Variants in IGF1 observed in about 807,000 individuals in gnomAD.
IGF1 encodes the protein insulin like growth factor 1.
IGF1 carries 4 observed loss-of-function variants against 13.8 expected under a neutral mutation model. The observed-to-expected ratio is 0.29, with a 90% CI of 0.14 to 0.66. IGF1 has a LOEUF of 0.66. Ranked by LOEUF, IGF1 falls within the 30% of genes least tolerant of loss-of-function variation. The pLI is 0.78. For missense variants in IGF1, 124 were observed against 188.5 expected, an observed-to-expected ratio of 0.66 and a Z score of 2.00; for synonymous variants, 76 against 72.6, an observed-to-expected ratio of 1.05 and a Z score of -0.23.
chr12:102,400,706 A>C lies in IGF1; in HGVS notation c.*1801T>G, dbSNP rs138629633. On this transcript the variant is annotated 3_prime_UTR_variant, in exon 4 of 4. Coordinates refer to ENST00000337514, the MANE Select transcript of IGF1 (RefSeq NM_000618.5). ...AAGAAGGAATCATTGTGTTTTTCAA[A>C]ATGAATAGAATATTATTTATAGTAT... 1.3e-5 allele frequency: 2 copies of C among 152,328 alleles called. No individual in the cohort carries two copies. Among genetic ancestry groups the C allele is most frequent in the East Asian group, 3.9e-4 (2 of 5,192 alleles). 9.4% of individuals were successfully genotyped at this position (152,328 alleles called of 1,614,324 possible).
In IGF1 at chr12:102,406,227, A is replaced by G. The variant is rs114219973; in HGVS notation, c.403-3661T>C. ...GACAAAACAAAAGCACTCAGGGACT[A>G]GGTCTCAGTTGCATCTGTTGCTTTG... On this transcript the variant is annotated intron_variant, in intron 3 of 3. Coordinates refer to ENST00000337514, the MANE Select transcript of IGF1 (RefSeq NM_000618.5). 1.4e-3 allele frequency among the ~76,000 whole-genome samples: 208 copies of G among 152,372 alleles called. 1 individual carries two copies. Among genetic ancestry groups the G allele is most frequent in the African/African-American group, 4.8e-3 (199 of 41,594 alleles).
At chr12:102,430,347 C>A (rs187899241) in intron 2 of IGF1, among the ~76,000 whole-genome samples, 1 of 152,300 alleles carries the variant, frequency 6.6e-6, no homozygotes, top group East Asian at 1.9e-4. Flanking sequence ...AATCCACTGA[C>A]CTCCTGCTGG....
chr12:102,473,988 C>T (rs1880851857), intron 2 of IGF1, among the ~76,000 whole-genome samples: 6 of 152,110 alleles, frequency 3.9e-5, no homozygotes, highest in Admixed American at 3.9e-4. Context: ...GAGGACACTT[C>T]TAGGCTTGGC....
chr12:102,444,224 T>C (rs941327628), intron 2 of IGF1, among the ~76,000 whole-genome samples: 1 of 151,244 alleles, frequency 6.6e-6, no homozygotes, highest in East Asian at 1.9e-4. Flanking sequence ...CTCTTGACAA[T>C]ATGGAAAAAA....
chr12:102,406,689 T>G (rs539837424), intron 3 of IGF1, among the ~76,000 whole-genome samples: 2 of 152,262 alleles, frequency 1.3e-5, no homozygotes, highest in South Asian at 4.1e-4. Context: ...ACACGCATAT[T>G]TAGGGTGCTA....
intron 2 of IGF1, among the ~76,000 whole-genome samples, chr12:102,428,830 T>A (rs942829953): frequency 6.6e-6 from 1 of 152,216 alleles, no homozygotes; most frequent in Non-Finnish European, 1.5e-5. Context: ...GCTACATGAG[T>A]TCTCTGTGTG....
At chr12:102,467,544 T>C (rs1047152833) in intron 2 of IGF1, among the ~76,000 whole-genome samples, 2 of 152,192 alleles carry the variant, frequency 1.3e-5, no homozygotes, top group Non-Finnish European at 2.9e-5. Flanking sequence ...TGACCTTAAG[T>C]GGACGGAATG....
chr12:102,456,404 G>T (rs558129434), intron 2 of IGF1, among the ~76,000 whole-genome samples: 7 of 152,228 alleles, frequency 4.6e-5, no homozygotes, highest in African/African-American at 1.7e-4. Context: ...GGAGGAAAAG[G>T]TATCAAATCT....
chr12:102,417,678 C>G, intron 3 of IGF1: 4 of 1,475,774 alleles, frequency 2.7e-6, no homozygotes, highest in Non-Finnish European at 3.6e-6. Context: ...TAAAAGGTTA[C>G]TTCTATTTCC....
At chr12:102,414,799 A>G (rs904291221) in intron 3 of IGF1, among the ~76,000 whole-genome samples, 2 of 152,196 alleles carry the variant, frequency 1.3e-5, no homozygotes, top group African/African-American at 4.8e-5. Flanking sequence ...CACATTGTAG[A>G]TGCCCAATAA....
rs72554694 is a variant in IGF1 at position 102,433,357 on chromosome 12, C to T, written c.221-13667G>A. Among the ~76,000 whole-genome samples the T allele has an allele frequency of 4.6e-3, 707 of 152,270 alleles. 4 individuals carry two copies. Among genetic ancestry groups the T allele is most frequent in the African/African-American group, 0.016 (674 of 41,558 alleles). On this transcript the variant is annotated intron_variant, in intron 2 of 3. Transcript: ENST00000337514. ...CACTATCTCCTTATAATCAGGGTAA[C>T]TGTAACAAACTTAAAGGAAACTGCA... is the stretch of plus-strand genomic sequence containing the variant.
At chr12:102,411,809 A>G (rs529490893) in intron 3 of IGF1, among the ~76,000 whole-genome samples, 22 of 152,172 alleles carry the variant, frequency 1.4e-4, no homozygotes, top group South Asian at 8.3e-4. Context: ...ATCTGACCCA[A>G]TGGGCATGAA....
upstream of IGF1, among the ~76,000 whole-genome samples, chr12:102,481,524 G>A (rs1370051273): frequency 1.3e-5 from 2 of 152,120 alleles, no homozygotes; most frequent in South Asian, 2.1e-4. Context: ...GTGACTGGCC[G>A]GCAACATGGT....
chr12:102,449,450 G>A (rs1351526032), intron 2 of IGF1, among the ~76,000 whole-genome samples: 1 of 151,878 alleles, frequency 6.6e-6, no homozygotes, highest in Non-Finnish European at 1.5e-5. Context: ...TGTAGGTGAC[G>A]GCTTGATGGG....
At chr12:102,413,844 G>T (rs995315655) in intron 3 of IGF1, among the ~76,000 whole-genome samples, 8 of 152,118 alleles carry the variant, frequency 5.3e-5, no homozygotes, top group Non-Finnish European at 1.0e-4. Flanking sequence ...CTCTCACTTG[G>T]GAGAGCCAAG....
At chr12:102,430,270 C>A (rs1267223300) in intron 2 of IGF1, among the ~76,000 whole-genome samples, 1 of 152,154 alleles carries the variant, frequency 6.6e-6, no homozygotes, top group Non-Finnish European at 1.5e-5. Flanking sequence ...AGCCTTCCAG[C>A]CAAGTACCTG....
In IGF1 at chr12:102,422,982, A is replaced by T. The variant is rs529484223; in HGVS notation, c.221-3292T>A. 35 of 152,302 alleles carry T rather than the reference A, an allele frequency of 2.3e-4. 1 individual carries two copies. The highest frequency in any genetic ancestry group is 1.4e-3 in the Admixed American group (21 of 15,294). 9.4% of individuals were successfully genotyped at this position (152,302 alleles called of 1,614,324 possible). A position where few individuals can be genotyped will look rare whatever the true frequency, so the allele number is the denominator to read the frequency against. Reference sequence around the variant, plus strand: ...CCCCATTGCAGGAAACAGTTAAGTAAAGGCTGTAATAAACATCTGTCAGAG... The same window carrying T: ...CCCCATTGCAGGAAACAGTTAAGTATAGGCTGTAATAAACATCTGTCAGAG... On this transcript the variant is annotated intron_variant, in intron 2 of 3. Transcript: ENST00000337514.
At position 102,398,105 on chromosome 12, in the gene IGF1, AAAAC is replaced by A. The variant is rs1477067127; in HGVS notation, c.*4398_*4401del. On this transcript the variant is annotated 3_prime_UTR_variant, in exon 4 of 4. Coordinates refer to ENST00000337514, the MANE Select transcript of IGF1 (RefSeq NM_000618.5). ...ATAAAGTAAAAAAAAAAAAAAAACA[AAAAC>A]AAGAAACAAAAAATCTTCACAGATT... 6.6e-6 allele frequency: 1 copy of A among 151,984 alleles called. No individual in the cohort carries two copies. Among genetic ancestry groups the A allele is most frequent in the African/African-American group, 2.4e-5 (1 of 41,352 alleles). The allele number at this position is 151,984 out of a possible 1,614,324, so 9.4% of individuals were successfully genotyped here.
In IGF1 at chr12:102,441,915, C is replaced by G. The variant is rs10745941; in HGVS notation, c.221-22225G>C. The stretch of plus-strand genomic sequence containing the variant: ...GTCATTCTATTACACTGCTTCTTCT[C>G]CTTCTTCTTCTTCTTCTTCTTCTTC... On this transcript the variant is annotated intron_variant, in intron 2 of 3. Coordinates refer to ENST00000337514, the MANE Select transcript of IGF1 (RefSeq NM_000618.5). Among the ~76,000 whole-genome samples, 706 of 122,084 alleles carry G rather than the reference C, an allele frequency of 5.8e-3. 25 individuals carry two copies. Among genetic ancestry groups the G allele is most frequent in the African/African-American group, 9.9e-3 (321 of 32,468 alleles). 80.1% of individuals were successfully genotyped at this position (122,084 alleles called of 152,430 possible).
Sources: gnomAD v4.1 joint callset for allele counts (sites outside exome capture counted in the v4.1 genomes callset) on GRCh38, gnomAD v4.1.1 for gene constraint, MANE v1.5 for transcripts, NCBI Gene and HGNC (gene_info 2026-07-23, HGNC 2026-07-21) for gene names.